The following CFAP74 variants were observed in gnomAD, a reference collection of about 807,000 sequenced individuals.
The protein encoded by CFAP74 is cilia and flagella associated protein 74.
In CFAP74, 124 loss-of-function variants were observed where a neutral mutation model predicts 188.9. The observed-to-expected ratio is 0.66, with a 90% CI of 0.57 to 0.76. The LOEUF (loss-of-function observed/expected upper bound fraction) is 0.76. Among genes scored for constraint, CFAP74 ranks in the 30% least tolerant of loss-of-function variants. The pLI is 0.00. For missense variants in CFAP74, 2,198 were observed against 2,165.2 expected, an observed-to-expected ratio of 1.02 and a Z score of -0.30; for synonymous variants, 956 against 916.7, an observed-to-expected ratio of 1.04 and a Z score of -0.77.
At position 1,930,088 on chromosome 1, in the gene CFAP74, G is replaced by A; in HGVS notation, c.3260C>T (p.Pro1087Leu). The change falls in exon 26 of 39, where the codon CCC becomes CTC. Residue 1087 changes from proline to leucine, a missense_variant. By Grantham distance (98) the Pro-to-Leu change is moderately conservative. Transcript: ENST00000682832. Reference protein sequence around the residue: ...LPPDSPITISPSVGTVWPGKR... With the variant: ...LPPDSPITISLSVGTVWPGKR... ...TCCTGGCCACACGGTCCCCACTGAG[G>A]GCGAGATGGTGATAGGCGAGTCTGG... The A allele has an allele frequency of 6.5e-7, 1 of 1,532,212 alleles. No homozygotes were observed. Among genetic ancestry groups the A allele is most frequent in the Non-Finnish European group, 8.7e-7 (1 of 1,143,956 alleles). The allele number at this position is 1,532,212 out of a possible 1,614,324, so 94.9% of individuals were successfully genotyped here.
Position 1,942,976 on chromosome 1 carries a change from A to G in CFAP74, c.2487-820T>C, listed in dbSNP as rs1653488651. Among the ~76,000 whole-genome samples, 2 of 152,266 alleles carry G rather than the reference A, an allele frequency of 1.3e-5. No individual in the cohort carries two copies. The highest frequency in any genetic ancestry group is 6.5e-5 in the Admixed American group (1 of 15,296). ...CCTCTGACCTCTGACCACTACCCAG[A>G]GGCCACCCACAGTGCGTCTGGGCAC... On this transcript the variant is annotated intron_variant, in intron 21 of 38. Coordinates refer to ENST00000682832, the MANE Select transcript of CFAP74 (RefSeq NM_001304360.2). This position sits in a 1 kb window ranked among gnomAD's most constrained non-coding sequence, Gnocchi z 4.3.
intron 11 of CFAP74, among the ~76,000 whole-genome samples, chr1:1,967,239 C>A (rs1384541099): frequency 6.6e-6 from 1 of 152,192 alleles, no homozygotes; most frequent in South Asian, 2.1e-4. Flanking sequence ...GGGGACGGAG[C>A]CTTGCCTATC....
chr1:1,971,120 C>A (rs1214727983), intron 9 of CFAP74, among the ~76,000 whole-genome samples: 4 of 148,376 alleles, frequency 2.7e-5, no homozygotes, highest in Admixed American at 1.3e-4. Context: ...CACACACATG[C>A]TCACACGTGC....
intron 18 of CFAP74, among the ~76,000 whole-genome samples, chr1:1,952,990 T>C (rs575980206): frequency 6.6e-6 from 1 of 152,292 alleles, no homozygotes; most frequent in East Asian, 1.9e-4. Flanking sequence ...TCTCCCCAAA[T>C]TGATCTATAG....
At position 1,968,016 on chromosome 1, in the gene CFAP74, A is replaced by ATGAG. The variant is rs1336262313; in HGVS notation, c.1245+618_1245+619insCTCA. Among the ~76,000 whole-genome samples the ATGAG allele has an allele frequency of 4.3e-5, 4 of 92,528 alleles. No homozygotes were observed. The highest frequency in any genetic ancestry group is 1.1e-4 in the African/African-American group (3 of 27,864). The allele number at this position is 92,528 out of a possible 152,430, so 60.7% of individuals were successfully genotyped here. On this transcript the variant is annotated intron_variant, in intron 11 of 38. Coordinates refer to ENST00000682832, the MANE Select transcript of CFAP74 (RefSeq NM_001304360.2). The surrounding 1 kb of genome is among the most constrained non-coding windows in gnomAD (Gnocchi z 4.3). ...AGTGAATGAGTGAGCGAATGAGTGA[A>ATGAG]TGAATGAGTGAATGAGTGAATGAAT... is the stretch of plus-strand genomic sequence containing the variant.
intron 18 of CFAP74, among the ~76,000 whole-genome samples, chr1:1,952,642 G>A (rs1256858603): frequency 1.3e-5 from 2 of 151,008 alleles, no homozygotes; most frequent in East Asian, 1.9e-4. Flanking sequence ...AGGAGATAAT[G>A]GTTATGAATT....
chr1:1,966,446 C>T lies in CFAP74; in HGVS notation c.1326G>A (p.Gly442=). 1 of 1,606,604 alleles carries T rather than the reference C, an allele frequency of 6.2e-7. No individual in the cohort carries two copies. The highest frequency in any genetic ancestry group is 8.5e-7 in the Non-Finnish European group (1 of 1,175,940). Residue 442 remains glycine, a synonymous_variant, in exon 12 of 39, where the codon GGG becomes GGA. Transcript: ENST00000682832. ...CTAACGTTTCCTCCTCTGAGCTGGC[C>T]CCGGGGTCCCCCTGGATAAGCTCAC... ...VSSELIQGDP[G]ASSEEETLAE...
At chr1:1,988,277 C>A in intron 4 of CFAP74, 1 of 647,950 alleles carries the variant, frequency 1.5e-6, no homozygotes, top group Non-Finnish European at 2.8e-6. Flanking sequence ...CTCTGGGTGG[C>A]GCTGGGGGCA....
chr1:1,928,739 A>T, intron 27 of CFAP74, 45 bp downstream of exon 27: 1 of 1,428,640 alleles, frequency 7.0e-7, no homozygotes, highest in East Asian at 2.5e-5. Context: ...TTCCTGCAAC[A>T]GGCCCTTCCC....
At chr1:1,984,533 C>T (rs1360597008) in intron 6 of CFAP74, 1 of 152,382 alleles carries the variant, frequency 6.6e-6, no homozygotes, top group Non-Finnish European at 1.5e-5. Context: ...TCCCACTGCC[C>T]ACACAGGTGG....
intron 17 of CFAP74, among the ~76,000 whole-genome samples, 161 bp from the exon 18 acceptor site, chr1:1,956,011 T>A (rs992005951): frequency 6.6e-6 from 1 of 152,086 alleles, no homozygotes; most frequent in African/African-American, 2.4e-5. Flanking sequence ...GTCTCACCCA[T>A]CCTGGTTGTG....
chr1:2,000,384 G>A (rs1442355221), intron 1 of CFAP74, among the ~76,000 whole-genome samples: 2 of 152,180 alleles, frequency 1.3e-5, no homozygotes, highest in African/African-American at 2.4e-5. Context: ...GGGTTTTTTG[G>A]GGAAGGGGGA....
At chr1:1,960,354 G>A (rs1357492969) in intron 14 of CFAP74, among the ~76,000 whole-genome samples, 1 of 152,256 alleles carries the variant, frequency 6.6e-6, no homozygotes, top group Non-Finnish European at 1.5e-5. Context: ...GTTCCCCTGG[G>A]CACAGGTGCC....
chr1:1,930,483 C>T (rs576440502), intron 25 of CFAP74, 147 bp from the exon 26 acceptor site: 14 of 756,114 alleles, frequency 1.9e-5, no homozygotes, highest in East Asian at 1.1e-4. Context: ...GTCACTGCGC[C>T]GCTGACAAGT....
At chr1:1,972,793 G>T in intron 8 of CFAP74, 144 bp downstream of exon 8, 1 of 675,238 alleles carries the variant, frequency 1.5e-6, no homozygotes, top group Non-Finnish European at 2.6e-6. Context: ...AGTGAGCCGA[G>T]ATCGCGCCAC....
chr1:1,948,087 G>C (rs1023798222), intron 18 of CFAP74, among the ~76,000 whole-genome samples: 2 of 151,858 alleles, frequency 1.3e-5, no homozygotes, highest in Non-Finnish European at 2.9e-5. Flanking sequence ...CGGCCAGACT[G>C]GTCTCGAACT....
chr1:1,978,515 G>A (rs1269122100), intron 6 of CFAP74, among the ~76,000 whole-genome samples: 1 of 152,198 alleles, frequency 6.6e-6, no homozygotes, highest in Non-Finnish European at 1.5e-5. Context: ...TATCTGAAGA[G>A]CCAGTGTGGT....
intron 27 of CFAP74, among the ~76,000 whole-genome samples, chr1:1,928,321 G>A (rs1260566280): frequency 1.3e-5 from 2 of 152,100 alleles, no homozygotes; most frequent in African/African-American, 4.8e-5. Flanking sequence ...AAACCCTTGG[G>A]AGGAAGCCAG....
intron 18 of CFAP74, chr1:1,955,118 G>A (rs927506969): frequency 4.7e-6 from 6 of 1,287,232 alleles, no homozygotes; most frequent in African/African-American, 4.6e-5. Context: ...CCAGCTCCGC[G>A]CTGAGCTGCA....
Sources: allele counts gnomAD v4.1 joint callset (sites outside exome capture counted in the v4.1 genomes callset), GRCh38; gene constraint gnomAD v4.1.1; non-coding constraint Gnocchi (gnomAD v3.1); transcripts MANE v1.5; gene names NCBI Gene and HGNC (gene_info 2026-07-23, HGNC 2026-07-21).